The following EFNB2 variants were observed in gnomAD, a reference collection of about 807,000 sequenced individuals.
EFNB2 encodes the protein ephrin-B2.
A neutral mutation model predicts 32.1 loss-of-function variants in EFNB2; 5 were observed. The ratio of observed to expected loss-of-function variants is 0.16; its 90% confidence interval spans 0.08 to 0.33. The LOEUF (loss-of-function observed/expected upper bound fraction) is 0.33, where lower values mean the gene tolerates loss of function less well. Ranked by LOEUF, EFNB2 falls within the 10% of genes least tolerant of loss-of-function variation. The probability of loss-of-function intolerance (pLI) is 1.00; values close to 1 mark genes in which losing one functional copy is unlikely to be tolerated. For synonymous variants in EFNB2, 168 were observed against 166.5 expected, an observed-to-expected ratio of 1.01 and a Z score of -0.07; for missense variants, 263 against 422.6, an observed-to-expected ratio of 0.62 and a Z score of 3.31.
intron 1 of EFNB2, among the ~76,000 whole-genome samples, chr13:106,515,354 TA>T (rs1471419803): frequency 6.6e-6 from 1 of 152,196 alleles, no homozygotes; most frequent in African/African-American, 2.4e-5. Context: ...TAAAAATCTA[TA>T]ATGGTCAGTG....
intron 1 of EFNB2, among the ~76,000 whole-genome samples, chr13:106,526,908 T>C (rs1171616138): frequency 5.3e-5 from 8 of 152,230 alleles, no homozygotes; most frequent in South Asian, 2.1e-4. Flanking sequence ...TTCTTTGCTA[T>C]GCACACAGGT....
intron 1 of EFNB2, among the ~76,000 whole-genome samples, chr13:106,526,009 T>G (rs1164437870): frequency 2.0e-5 from 3 of 150,094 alleles, no homozygotes; most frequent in Non-Finnish European, 4.5e-5. Flanking sequence ...GTTCTCAGCA[T>G]GGCCCTGAGG....
At chr13:106,530,676 C>A (rs1879840786) in intron 1 of EFNB2, among the ~76,000 whole-genome samples, 1 of 152,192 alleles carries the variant, frequency 6.6e-6, no homozygotes, top group African/African-American at 2.4e-5. Context: ...ACTCCCATTC[C>A]TATGACGCAT....
chr13:106,534,801 AC>A (rs1026656311), intron 1 of EFNB2, 41 bp downstream of exon 1: 1 of 1,578,298 alleles, frequency 6.3e-7, no homozygotes, highest in Non-Finnish European at 8.6e-7. Context: ...GGCGCGGCGG[AC>A]CCCGGGGCGG....
intron 3 of EFNB2, among the ~76,000 whole-genome samples, chr13:106,495,201 TG>T (rs1878547949): frequency 6.6e-6 from 1 of 152,258 alleles, no homozygotes; most frequent in Non-Finnish European, 1.5e-5. Flanking sequence ...AGGCCATCTG[TG>T]GAAACTATAG....
At chr13:106,500,892 G>A (rs1436155275) in intron 2 of EFNB2, among the ~76,000 whole-genome samples, 1 of 152,086 alleles carries the variant, frequency 6.6e-6, no homozygotes, top group Non-Finnish European at 1.5e-5. Context: ...GCAAAGCCGT[G>A]ACTTTAAAAT....
chr13:106,520,567 G>A (rs1165637541), intron 1 of EFNB2: 2 of 152,190 alleles, frequency 1.3e-5, no homozygotes, highest in Non-Finnish European at 2.9e-5. Context: ...TGCATCATGA[G>A]CATGTGAATT....
chr13:106,526,037 A>T (rs1389469096), intron 1 of EFNB2, among the ~76,000 whole-genome samples: 1 of 152,080 alleles, frequency 6.6e-6, no homozygotes, highest in Admixed American at 6.6e-5. Context: ...TGCCAGCGTC[A>T]CCTGGGAGCT....
chr13:106,508,040 C>T (rs190340447), intron 2 of EFNB2, among the ~76,000 whole-genome samples: 4 of 152,214 alleles, frequency 2.6e-5, no homozygotes, highest in East Asian at 3.9e-4. Context: ...GGTAGTGTGA[C>T]GAAAACCTCT....
chr13:106,498,448 C>T (rs1210073102), intron 2 of EFNB2, among the ~76,000 whole-genome samples: 8 of 151,880 alleles, frequency 5.3e-5, no homozygotes, highest in Non-Finnish European at 1.0e-4. Flanking sequence ...TAGGTCAGTG[C>T]CTTTTCTGAA....
rs1211089509 is a variant in EFNB2, at chr13:106,495,733, G to A, written c.499+15C>T. 6.2e-7 allele frequency: 1 copy of A among 1,612,278 alleles called. No homozygotes were observed. Among genetic ancestry groups the A allele is most frequent in the Non-Finnish European group, 8.5e-7 (1 of 1,178,760 alleles). ...CAGGTCACAGTGGCGTCATGAAGCA[G>A]CAGATGGTCTTTACCTTGTCCAACT... On this transcript the variant is annotated intron_variant, in intron 3 of 4. Transcript: ENST00000646441.
chr13:106,534,896 C>T lies in EFNB2; in HGVS notation c.69G>A (p.Ala23=), dbSNP rs142236006. The T allele has an allele frequency of 3.7e-5, 59 of 1,613,650 alleles. No individual in the cohort carries two copies. Among genetic ancestry groups the T allele is most frequent in the East Asian group, 2.7e-4 (12 of 44,826 alleles). ...WGVLMVLCRT[A]ISKSIVLEPI... ...GCTCTAAAACTATCGATTTGGAAAT[C>T]GCAGTTCTGCATAAAACCATCAAAA... Residue 23 remains alanine, a synonymous_variant, in exon 1 of 5, where the codon GCG becomes GCA. Coordinates refer to ENST00000646441, the MANE Select transcript of EFNB2 (RefSeq NM_004093.4).
At chr13:106,525,975 C>T (rs1043237461) in intron 1 of EFNB2, among the ~76,000 whole-genome samples, 68 of 152,258 alleles carry the variant, frequency 4.5e-4, no homozygotes, top group African/African-American at 1.5e-3. Context: ...GTTGTTTTCC[C>T]AGAAAGGTTT....
chr13:106,504,570 A>C (rs1314838978), intron 2 of EFNB2, among the ~76,000 whole-genome samples: 1 of 152,216 alleles, frequency 6.6e-6, no homozygotes, highest in African/African-American at 2.4e-5. Flanking sequence ...AAGAATCCAG[A>C]GCAATTTCCC....
chr13:106,496,551 A>G (rs1341050457), intron 2 of EFNB2, among the ~76,000 whole-genome samples: 3 of 152,184 alleles, frequency 2.0e-5, no homozygotes, highest in Non-Finnish European at 4.4e-5. Flanking sequence ...ACACATGCCC[A>G]CCACTCATTC....
chr13:106,506,497 G>A (rs1485717607), intron 2 of EFNB2: 10 of 152,114 alleles, frequency 6.6e-5, no homozygotes, highest in African/African-American at 2.4e-4. Context: ...CATGTTTCTT[G>A]GTAAAGGAAG....
At position 106,503,943 on chromosome 13, in the gene EFNB2, A is replaced by C. The variant is rs1054678585; in HGVS notation, c.407-8103T>G. Among the ~76,000 whole-genome samples the C allele has an allele frequency of 3.9e-5, 6 of 152,204 alleles. No individual in the cohort carries two copies. In the East Asian group the frequency reaches 1.2e-3, roughly 29 times the overall value. ...GATAAAACATAATTCCCTATTGTCT[A>C]TATTAGCTGTACTTAAGCATCAGAT... On this transcript the variant is annotated intron_variant, in intron 2 of 4. Coordinates refer to ENST00000646441, the MANE Select transcript of EFNB2 (RefSeq NM_004093.4).
intron 3 of EFNB2, among the ~76,000 whole-genome samples, chr13:106,495,477 A>G (rs780506838): frequency 1.4e-5 from 2 of 141,708 alleles, no homozygotes; most frequent in Non-Finnish European, 3.1e-5. Context: ...AGAAATATCT[A>G]TCTATCTATC....
chr13:106,535,463 G>A lies in EFNB2; in HGVS notation c.-499C>T. ...GTTCCATGTCCCGGAGCACGGAGCG[G>A]AGTAGGGCGCCTCCGGGCGCGCAGG... On this transcript the variant is annotated 5_prime_UTR_variant, in exon 1 of 5. Transcript: ENST00000646441. The A allele has an allele frequency of 6.7e-6, 1 of 150,270 alleles. No homozygotes were observed. Among genetic ancestry groups the A allele is most frequent in the Non-Finnish European group, 1.5e-5 (1 of 67,424 alleles). The allele number at this position is 150,270 out of a possible 1,614,324, so 9.3% of individuals were successfully genotyped here. A position where few individuals can be genotyped will look rare whatever the true frequency, so the allele number is the denominator to read the frequency against.
Sources: gnomAD v4.1 joint callset for allele counts (sites outside exome capture counted in the v4.1 genomes callset) on GRCh38, gnomAD v4.1.1 for gene constraint, MANE v1.5 for transcripts, NCBI Gene and HGNC (gene_info 2026-07-23, HGNC 2026-07-21) for gene names.